Variants in TRPS1 observed in about 807,000 individuals in gnomAD.
TRPS1 encodes zinc finger transcription factor Trps1.
TRPS1 carries 6 observed loss-of-function variants against 101.2 expected under a neutral mutation model. That is an observed-to-expected ratio of 0.06 (90% CI 0.03 to 0.12). TRPS1 has a LOEUF of 0.12. Ranked by LOEUF, TRPS1 falls within the 10% of genes least tolerant of loss-of-function variation. The pLI is 1.00. For synonymous variants in TRPS1, 578 were observed against 589.8 expected (o/e 0.98, Z 0.29); for missense variants, 1,363 against 1,567.0 (o/e 0.87, Z 2.20).
rs567189993 is a variant in TRPS1, at chr8:115,638,339, C to A, written c.-121-14581G>T. On this transcript the variant is annotated intron_variant, in intron 1 of 6. Transcript: ENST00000395715. ...GTACTTTTCCACAGAGGTTAGTAAT[C>A]TTTGTGTCCATTCCAAAACAATTCC... Among the ~76,000 whole-genome samples the A allele has an allele frequency of 2.6e-5, 4 of 152,294 alleles. No homozygotes were observed. In the South Asian group the frequency reaches 8.3e-4, roughly 32 times the overall value.
At chr8:115,471,002 A>G (rs144039730) in intron 5 of TRPS1, among the ~76,000 whole-genome samples, 4 of 152,292 alleles carry the variant, frequency 2.6e-5, no homozygotes, top group Admixed American at 6.5e-5. Context: ...ATTAACGCAA[A>G]TATCACGTAA....
At chr8:115,652,752 G>A (rs561133215) in intron 1 of TRPS1, among the ~76,000 whole-genome samples, 1 of 152,330 alleles carries the variant, frequency 6.6e-6, no homozygotes, top group Non-Finnish European at 1.5e-5. Context: ...ATAGCCAGAA[G>A]ATAATGCTAT....
At chr8:115,526,351 A>C (rs753112392) in intron 5 of TRPS1, among the ~76,000 whole-genome samples, 2 of 152,158 alleles carry the variant, frequency 1.3e-5, no homozygotes, top group South Asian at 2.1e-4. Flanking sequence ...TCATCTACTC[A>C]AACTGGTAAT....
intron 4 of TRPS1, among the ~76,000 whole-genome samples, chr8:115,593,286 C>T (rs1342418290): frequency 3.9e-5 from 6 of 152,156 alleles, no homozygotes; most frequent in African/African-American, 9.7e-5. Context: ...TTTAAATATT[C>T]TTTAGTGCCA....
intron 5 of TRPS1, among the ~76,000 whole-genome samples, chr8:115,531,666 T>A (rs1816134305): frequency 6.6e-6 from 1 of 151,976 alleles, no homozygotes; most frequent in Non-Finnish European, 1.5e-5. Context: ...AAGCTGGGGA[T>A]GCCTTTGTGG....
chr8:115,471,758 T>C (rs1814475493), intron 5 of TRPS1, among the ~76,000 whole-genome samples: 1 of 152,136 alleles, frequency 6.6e-6, no homozygotes, highest in Non-Finnish European at 1.5e-5. Flanking sequence ...TATACACGTG[T>C]TCAAAATGGA....
chr8:115,650,651 AAAAGTGATTAGTAAAAATC>A (rs1811539063), intron 1 of TRPS1, among the ~76,000 whole-genome samples: 1 of 152,258 alleles, frequency 6.6e-6, no homozygotes, highest in Non-Finnish European at 1.5e-5. Context: ...AGATGAAATT[AAAAGTGATTAGTAAAAATC>A]AAACATTCAA....
intron 5 of TRPS1, among the ~76,000 whole-genome samples, chr8:115,438,239 T>C (rs1004394692): frequency 2.0e-5 from 3 of 152,242 alleles, no homozygotes; most frequent in African/African-American, 7.2e-5. Context: ...TATTCTTTCA[T>C]TCATTTTAAA....
rs371245255 is a variant in TRPS1 at position 115,535,781 on chromosome 8, C to CAT, written c.2700+51218_2700+51219dup. On this transcript the variant is annotated intron_variant, in intron 5 of 6. Coordinates refer to ENST00000395715, the MANE Select transcript of TRPS1 (RefSeq NM_014112.5). ...TATGTGTATATATATATGAGACTGT[C>CAT]ATATATATATATATGAGAGTCAAGC... Among the ~76,000 whole-genome samples, 1,327 of 149,288 alleles carry CAT rather than the reference C, an allele frequency of 8.9e-3. 29 individuals carry two copies. Among genetic ancestry groups the CAT allele is most frequent in the Admixed American group, 0.051 (764 of 14,948 alleles).
chr8:115,621,125 T>G (rs1332955155), intron 2 of TRPS1, among the ~76,000 whole-genome samples: 1 of 152,144 alleles, frequency 6.6e-6, no homozygotes, highest in Non-Finnish European at 1.5e-5. Flanking sequence ...ACTTTAAGAA[T>G]ATAAAATAAA....
chr8:115,605,089 T>C, intron 3 of TRPS1, 87 bp from the exon 4 acceptor site: 1 of 1,244,016 alleles, frequency 8.0e-7, no homozygotes, highest in Non-Finnish European at 1.2e-6. Flanking sequence ...TACTGCCAAG[T>C]ATTCCACATC....
intron 1 of TRPS1, among the ~76,000 whole-genome samples, chr8:115,633,056 C>A (rs1213693219): frequency 3.9e-5 from 6 of 152,042 alleles, no homozygotes; most frequent in African/African-American, 7.2e-5. Flanking sequence ...TGAAGAGAAA[C>A]CTTTGAGCTG....
At chr8:115,644,585 TA>T (rs1818978921) in intron 1 of TRPS1, among the ~76,000 whole-genome samples, 1 of 152,236 alleles carries the variant, frequency 6.6e-6, no homozygotes, top group South Asian at 2.1e-4. Context: ...TTTGCTTTCT[TA>T]TCATGTGTGT....
At chr8:115,422,909 G>A (rs1262524045) in intron 5 of TRPS1, among the ~76,000 whole-genome samples, 1 of 152,138 alleles carries the variant, frequency 6.6e-6, no homozygotes, top group Non-Finnish European at 1.5e-5. Context: ...TGCTGGGAGG[G>A]AAAAAGGATA....
rs138722100 is a variant in TRPS1 at position 115,416,349 on chromosome 8, C to T, written c.2824-1265G>A. Among the ~76,000 whole-genome samples, 109 of 151,470 alleles carry T rather than the reference C, an allele frequency of 7.2e-4. 2 individuals are homozygous for T. The South Asian group carries it at 0.017, about 23-fold the overall frequency. ...AAGGAATCAGTTTGATAAATTAATG[C>T]GTATTTATAGGTTAAAAATTTAGGG... On this transcript the variant is annotated intron_variant, in intron 6 of 6. Coordinates refer to ENST00000395715, the MANE Select transcript of TRPS1 (RefSeq NM_014112.5).
At chr8:115,425,247 C>T (rs1338746573) in intron 5 of TRPS1, among the ~76,000 whole-genome samples, 2 of 152,192 alleles carry the variant, frequency 1.3e-5, no homozygotes, top group Non-Finnish European at 2.9e-5. Flanking sequence ...TACTGCATGT[C>T]TTTGCCTGCT....
chr8:115,535,539 T>C (rs1464556184), intron 5 of TRPS1, among the ~76,000 whole-genome samples: 2 of 148,764 alleles, frequency 1.3e-5, no homozygotes, highest in African/African-American at 2.5e-5. Context: ...ATAGCGCATA[T>C]ATATAGCGCA....
intron 1 of TRPS1, among the ~76,000 whole-genome samples, chr8:115,636,556 A>C (rs1461526491): frequency 6.6e-6 from 1 of 152,228 alleles, no homozygotes; most frequent in Non-Finnish European, 1.5e-5. Context: ...GTAATAATAC[A>C]GGAGGAGACA....
At chr8:115,574,520 A>G (rs1412837321) in intron 5 of TRPS1, among the ~76,000 whole-genome samples, 1 of 152,136 alleles carries the variant, frequency 6.6e-6, no homozygotes, top group Non-Finnish European at 1.5e-5. Context: ...CAGGACATAG[A>G]ATAGTTTTGT....
Sources: allele counts gnomAD v4.1 joint callset (sites outside exome capture counted in the v4.1 genomes callset), GRCh38; gene constraint gnomAD v4.1.1; transcripts MANE v1.5; gene names NCBI Gene and HGNC (gene_info 2026-07-23, HGNC 2026-07-21).